The following GRIK2 variants were observed in gnomAD, a reference collection of about 807,000 sequenced individuals.
The protein encoded by GRIK2 is glutamate ionotropic receptor kainate type subunit 2.
In GRIK2, 32 loss-of-function variants were observed where a neutral mutation model predicts 100.3. The ratio of observed to expected loss-of-function variants is 0.32; its 90% CI spans 0.24 to 0.43. GRIK2 has a LOEUF of 0.43. Among genes scored for constraint, GRIK2 ranks in the 20% least tolerant of loss-of-function variants. The pLI is 1.00. For synonymous variants in GRIK2, 417 were observed against 389.4 expected (o/e 1.07, Z -0.83); for missense variants, 843 against 1,114.9 (o/e 0.76, Z 3.47).
chr6:101,642,935 G>A (rs1401092583), intron 4 of GRIK2, among the ~76,000 whole-genome samples: 1 of 151,672 alleles, frequency 6.6e-6, no homozygotes, highest in Non-Finnish European at 1.5e-5. Flanking sequence ...GGTGTAAGGT[G>A]ATATCTAACT....
chr6:101,466,658 A>C (rs935082472), intron 2 of GRIK2, among the ~76,000 whole-genome samples: 2 of 151,628 alleles, frequency 1.3e-5, no homozygotes, highest in Non-Finnish European at 2.9e-5. Flanking sequence ...TCTTTCATTC[A>C]TTCTTTTTTC....
intron 5 of GRIK2, among the ~76,000 whole-genome samples, chr6:101,681,330 C>G (rs1771228420): frequency 6.6e-6 from 1 of 151,750 alleles, no homozygotes; most frequent in African/African-American, 2.4e-5. Context: ...GCTCACGTGA[C>G]CCTCTCAACC....
At chr6:101,669,988 G>T (rs554782879) in intron 4 of GRIK2, among the ~76,000 whole-genome samples, 1 of 152,214 alleles carries the variant, frequency 6.6e-6, no homozygotes, top group East Asian at 1.9e-4. Flanking sequence ...AACTCCTGGT[G>T]CAGGAGTTGA....
rs140100443 is a variant in GRIK2 at position 101,399,811 on chromosome 6, T to G, written c.115+419T>G. On this transcript the variant is annotated intron_variant, in intron 2 of 16. Transcript: ENST00000369134. ...TGGTGAGTTAACACCTGGTAACTCTTTGGCGAGTTGCGCCTGTCCGCTTCC... is the reference window on the plus strand; with the variant it reads ...TGGTGAGTTAACACCTGGTAACTCTGTGGCGAGTTGCGCCTGTCCGCTTCC... Among the ~76,000 whole-genome samples the G allele has an allele frequency of 2.1e-3, 321 of 152,246 alleles. 2 individuals carry two copies. Among genetic ancestry groups the G allele is most frequent in the African/African-American group, 7.4e-3 (309 of 41,508 alleles).
intron 14 of GRIK2, among the ~76,000 whole-genome samples, 200 bp from the exon 15 acceptor site, chr6:102,035,141 T>C (rs1229072915): frequency 6.7e-6 from 1 of 150,274 alleles, no homozygotes; most frequent in Non-Finnish European, 1.5e-5. Flanking sequence ...TACCTAGAAA[T>C]ATGACGAGAA....
intron 15 of GRIK2, among the ~76,000 whole-genome samples, chr6:102,045,612 T>TAAAG (rs754327906): frequency 2.3e-4 from 35 of 151,950 alleles, no homozygotes; most frequent in Non-Finnish European, 4.4e-4. Context: ...AAAAATGTAC[T>TAAAG]AAAGACATAC....
chr6:101,661,728 G>A (rs1056723289), intron 4 of GRIK2, among the ~76,000 whole-genome samples: 6 of 152,064 alleles, frequency 3.9e-5, no homozygotes, highest in African/African-American at 1.2e-4. Context: ...CTAGGGGAGG[G>A]AGTTCCCCAA....
chr6:101,892,895 G>A (rs1787197942), intron 12 of GRIK2, among the ~76,000 whole-genome samples: 1 of 151,184 alleles, frequency 6.6e-6, no homozygotes, highest in African/African-American at 2.4e-5. Flanking sequence ...CAGATTAAAA[G>A]CAAAGTCTGA....
chr6:101,971,040 C>T (rs1793016032), intron 14 of GRIK2, among the ~76,000 whole-genome samples: 1 of 150,706 alleles, frequency 6.6e-6, no homozygotes, highest in African/African-American at 2.5e-5. Flanking sequence ...CACTGCATTC[C>T]TTGCTGTGTA....
chr6:101,784,437 G>C (rs1439024330), intron 7 of GRIK2, among the ~76,000 whole-genome samples: 5 of 152,218 alleles, frequency 3.3e-5, no homozygotes, highest in African/African-American at 1.2e-4. Context: ...TCTCAGAGGA[G>C]ACTTTGGACT....
At chr6:101,545,185 T>C (rs1776175560) in intron 2 of GRIK2, among the ~76,000 whole-genome samples, 1 of 152,214 alleles carries the variant, frequency 6.6e-6, no homozygotes, top group African/African-American at 2.4e-5. Context: ...TATTTAGTTA[T>C]GCCACTGGGG....
chr6:101,458,930 CT>C (rs1317658593), intron 2 of GRIK2, among the ~76,000 whole-genome samples: 1 of 152,030 alleles, frequency 6.6e-6, no homozygotes, highest in Non-Finnish European at 1.5e-5. Flanking sequence ...GTGATTGAAT[CT>C]TTTTTGTGAT....
chr6:101,668,595 A>G (rs187106736), intron 4 of GRIK2, among the ~76,000 whole-genome samples: 195 of 152,256 alleles, frequency 1.3e-3, no homozygotes, highest in Middle Eastern at 3.4e-3. Flanking sequence ...ATGATGAAAC[A>G]TGGAATATAG....
At chr6:101,582,478 G>C (rs1274439573) in intron 2 of GRIK2, among the ~76,000 whole-genome samples, 1 of 152,100 alleles carries the variant, frequency 6.6e-6, no homozygotes, top group African/African-American at 2.4e-5. Context: ...CTGTGAAGAG[G>C]TGCCTTCTGC....
At chr6:102,064,878 T>A (rs1771939394) in intron 16 of GRIK2, among the ~76,000 whole-genome samples, 1 of 151,308 alleles carries the variant, frequency 6.6e-6, no homozygotes, top group Admixed American at 6.6e-5. Flanking sequence ...TTTGCCATGT[T>A]AATTGTAAAA....
chr6:102,021,974 G>T (rs968920010), intron 14 of GRIK2, among the ~76,000 whole-genome samples: 2 of 149,602 alleles, frequency 1.3e-5, no homozygotes, highest in Non-Finnish European at 1.5e-5. Flanking sequence ...AAAAACTATG[G>T]ATATAAATAT....
At chr6:101,421,581 G>C (rs754843204) in intron 2 of GRIK2, among the ~76,000 whole-genome samples, 3 of 152,144 alleles carry the variant, frequency 2.0e-5, no homozygotes. Context: ...AAGGGTTAAA[G>C]AACATTACTT....
chr6:101,790,210 C>G (rs993286278), intron 7 of GRIK2, among the ~76,000 whole-genome samples: 21 of 151,850 alleles, frequency 1.4e-4, no homozygotes, highest in Non-Finnish European at 3.1e-4. Flanking sequence ...CCTTCTCCTG[C>G]CTAATTGCCC....
chr6:101,899,109 T>C (rs954992360), intron 12 of GRIK2, among the ~76,000 whole-genome samples: 1 of 150,852 alleles, frequency 6.6e-6, no homozygotes, highest in African/African-American at 2.4e-5. Context: ...TTTGTTTTTT[T>C]TTTTTTTAAG....
Sources: gnomAD v4.1 joint callset for allele counts (sites outside exome capture counted in the v4.1 genomes callset) on GRCh38, gnomAD v4.1.1 for gene constraint, MANE v1.5 for transcripts, NCBI Gene and HGNC (gene_info 2026-07-23, HGNC 2026-07-21) for gene names.